The following DOCK5 variants were observed in gnomAD, a reference collection of about 807,000 sequenced individuals.
DOCK5 encodes the protein dedicator of cytokinesis 5, also known as dedicator of cytokinesis protein 5.
In DOCK5, 142 loss-of-function variants were observed where a neutral mutation model predicts 251.8. The observed-to-expected ratio is 0.56, with a 90% CI of 0.49 to 0.65. The LOEUF (loss-of-function observed/expected upper bound fraction) is 0.65, where lower values mean the gene tolerates loss of function less well. Ranked by LOEUF, DOCK5 falls within the 30% of genes least tolerant of loss-of-function variation. The pLI, the probability that DOCK5 is intolerant of heterozygous loss-of-function variation, is 0.00. For synonymous variants in DOCK5, 842 were observed against 835.5 expected (o/e 1.01, Z -0.13); for missense variants, 2,111 against 2,312.3 (o/e 0.91, Z 1.79).
At chr8:25,407,321 T>A (rs1331147887) in intron 48 of DOCK5, among the ~76,000 whole-genome samples, 1 of 152,204 alleles carries the variant, frequency 6.6e-6, no homozygotes, top group Non-Finnish European at 1.5e-5. Context: ...TGGGTAGGAT[T>A]TGAACACAGG....
intron 2 of DOCK5, among the ~76,000 whole-genome samples, chr8:25,265,802 G>T (rs936877184): frequency 4.6e-5 from 7 of 151,908 alleles, no homozygotes; most frequent in African/African-American, 1.7e-4. Context: ...TAGGTGAAGT[G>T]AAATGGAGCA....
At chr8:25,353,237 G>T (rs1380020868) in intron 27 of DOCK5, among the ~76,000 whole-genome samples, 2 of 152,184 alleles carry the variant, frequency 1.3e-5, no homozygotes, top group African/African-American at 4.8e-5. Context: ...CTACTCTGGA[G>T]GCTGAGGCAG....
chr8:25,409,196 C>A (rs571936284), intron 50 of DOCK5, among the ~76,000 whole-genome samples: 3 of 152,212 alleles, frequency 2.0e-5, no homozygotes, highest in African/African-American at 7.2e-5. Flanking sequence ...TGAGGCAGAT[C>A]TGCACTAGGA....
intron 27 of DOCK5, among the ~76,000 whole-genome samples, chr8:25,354,688 G>T (rs1327085830): frequency 6.6e-6 from 1 of 152,182 alleles, no homozygotes; most frequent in Non-Finnish European, 1.5e-5. Context: ...CGCGAAGAGA[G>T]ATGTGGAAAA....
chr8:25,372,655 T>A lies in DOCK5; in HGVS notation c.3621T>A (p.Tyr1207Ter). The A allele has an allele frequency of 6.2e-7, 1 of 1,611,356 alleles. No individual in the cohort carries two copies. The highest frequency in any genetic ancestry group is 8.5e-7 in the Non-Finnish European group (1 of 1,178,786). ...GCCTCTTAGAGAACCTGCTGGACTA[T>A]AGAACCATCATCATGCAAGATGAGA... ...VSSLLENLLD[Y>*]RTIIMQDESK... The change falls in exon 35 of 52, where the codon TAT (tyrosine) becomes TAA (stop). Residue 1207 changes from tyrosine (Y) to a stop codon, truncating the protein, a stop_gained. Transcript: ENST00000276440. LOFTEE classifies it high-confidence loss of function.
intron 40 of DOCK5, among the ~76,000 whole-genome samples, chr8:25,384,226 C>T (rs745893377): frequency 1.3e-5 from 2 of 152,254 alleles, no homozygotes; most frequent in East Asian, 3.9e-4. Flanking sequence ...CTTGCCTAGG[C>T]AACGCTTCCT....
At position 25,368,267 on chromosome 8, in the gene DOCK5, G is replaced by T. The variant is rs1423743578; in HGVS notation, c.3283+17G>T. Reference sequence around the variant, plus strand: ...ATAACCTGGGTGAGTGTCTAGCCTTGAACAGGCCTGATCACAACCTCTGAG... The same window carrying T: ...ATAACCTGGGTGAGTGTCTAGCCTTTAACAGGCCTGATCACAACCTCTGAG... On this transcript the variant is annotated intron_variant, in intron 32 of 51. Coordinates refer to ENST00000276440, the MANE Select transcript of DOCK5 (RefSeq NM_024940.8). 1.9e-6 allele frequency: 3 copies of T among 1,607,492 alleles called. No homozygotes were observed. Among genetic ancestry groups the T allele is most frequent in the Non-Finnish European group, 1.7e-6 (2 of 1,175,918 alleles).
intron 26 of DOCK5, 108 bp downstream of exon 26, chr8:25,345,719 A>C: frequency 6.8e-7 from 1 of 1,475,096 alleles, no homozygotes; most frequent in Non-Finnish European, 9.2e-7. Flanking sequence ...CAGCTCCGGT[A>C]TTAGGGCAGG....
At chr8:25,276,992 A>G (rs2117127288) in intron 4 of DOCK5, 1 of 152,334 alleles carries the variant, frequency 6.6e-6, no homozygotes, top group East Asian at 1.9e-4. Context: ...TAACACTGCT[A>G]AAATTATGTT....
Position 25,368,578 on chromosome 8 carries a change from C to A in DOCK5, c.3291C>A (p.His1097Gln), listed in dbSNP as rs1181530143. ...IRDMWYNLGP[H>Q]KIKFIPSMVG... The stretch of plus-strand genomic sequence containing the variant: ...CATTCACTTTCATTTCAGGTCCCCA[C>A]AAAATCAAATTCATCCCATCCATGG... The change falls in exon 33 of 52, where the codon CAC (histidine) becomes CAA (glutamine). Residue 1097 changes from histidine to glutamine, a missense_variant. Transcript: ENST00000276440. 3.1e-6 allele frequency: 5 copies of A among 1,595,058 alleles called. No homozygotes were observed. In the African/African-American group the frequency reaches 5.4e-5, roughly 17 times the overall value.
intron 30 of DOCK5, 24 bp downstream of exon 30, chr8:25,364,728 G>T: frequency 6.5e-7 from 1 of 1,541,412 alleles, no homozygotes. Context: ...TCACCTACCT[G>T]CTTCTAGAAT....
intron 26 of DOCK5, among the ~76,000 whole-genome samples, chr8:25,349,321 A>T (rs367566675): frequency 6.6e-6 from 1 of 152,184 alleles, no homozygotes; most frequent in Non-Finnish European, 1.5e-5. Context: ...ACAGACTATG[A>T]AAAACAGGGA....
intron 29 of DOCK5, among the ~76,000 whole-genome samples, chr8:25,363,663 A>G (rs1586364296): frequency 6.6e-6 from 1 of 152,244 alleles, no homozygotes. Context: ...TGGTGAAATT[A>G]TAGGGCTTTT....
chr8:25,259,264 C>T (rs1460738753), intron 2 of DOCK5, among the ~76,000 whole-genome samples: 4 of 152,042 alleles, frequency 2.6e-5, no homozygotes, highest in Non-Finnish European at 5.9e-5. Flanking sequence ...TGAGGGGTGG[C>T]GCATTGAGAA....
intron 2 of DOCK5, among the ~76,000 whole-genome samples, chr8:25,263,679 A>AC (rs1346846006): frequency 6.6e-6 from 1 of 150,664 alleles, no homozygotes; most frequent in African/African-American, 2.5e-5. Flanking sequence ...ATGTGCGGAT[A>AC]CCCCCTCGCC....
chr8:25,239,045 G>A (rs1370628188), intron 1 of DOCK5, among the ~76,000 whole-genome samples: 1 of 152,136 alleles, frequency 6.6e-6, no homozygotes, highest in Non-Finnish European at 1.5e-5. Flanking sequence ...GCAGGTAATC[G>A]GGAGCTAGTA....
intron 28 of DOCK5, among the ~76,000 whole-genome samples, chr8:25,360,053 C>G (rs1800649034): frequency 6.6e-6 from 1 of 152,198 alleles, no homozygotes; most frequent in Non-Finnish European, 1.5e-5. Flanking sequence ...CATGTTGACA[C>G]TAGTCTTTGG....
At chr8:25,218,656 A>G (rs548445837) in intron 1 of DOCK5, among the ~76,000 whole-genome samples, 3 of 152,302 alleles carry the variant, frequency 2.0e-5, no homozygotes, top group East Asian at 3.9e-4. Context: ...AGGTGATAGC[A>G]TTGTTCACTT....
At position 25,382,665 on chromosome 8, in the gene DOCK5, G is replaced by C; in HGVS notation, c.4027-9G>C. 2 of 1,598,852 alleles carry C rather than the reference G, an allele frequency of 1.3e-6. No homozygotes were observed. The highest frequency in any genetic ancestry group is 1.7e-6 in the Non-Finnish European group (2 of 1,172,110). On this transcript the variant is annotated splice_polypyrimidine_tract_variant and intron_variant, in intron 39 of 51. Transcript: ENST00000276440. ...ACCTCCCCTTGGAATGTCTTGTTTT[G>C]TTTTCCAGAAAAAAAGGGCCTCATT...
Sources: allele counts gnomAD v4.1 joint callset (sites outside exome capture counted in the v4.1 genomes callset), GRCh38; gene constraint gnomAD v4.1.1; transcripts MANE v1.5; gene names NCBI Gene and HGNC (gene_info 2026-07-23, HGNC 2026-07-21).